Variants in EXOC6B observed in about 807,000 individuals in gnomAD.
The protein encoded by EXOC6B is SEC15 homolog B.
In EXOC6B, 54 loss-of-function variants were observed where a neutral mutation model predicts 113.5. That is an observed-to-expected ratio of 0.48 (90% confidence interval 0.38 to 0.60). The LOEUF is 0.60. EXOC6B is among the 20% of genes least tolerant of loss of function. The pLI is 0.00. For missense variants in EXOC6B, 797 were observed against 977.5 expected, an observed-to-expected ratio of 0.82 and a Z score of 2.46; for synonymous variants, 357 against 339.0, an observed-to-expected ratio of 1.05 and a Z score of -0.58.
rs1207886481 is a variant in EXOC6B at position 72,279,791 on chromosome 2, G to GT, written c.2196+55155dup. Among the ~76,000 whole-genome samples the GT allele has an allele frequency of 8.6e-5, 13 of 151,330 alleles. No homozygotes were observed. In the East Asian group the frequency reaches 1.2e-3, roughly 14 times the overall value. On this transcript the variant is annotated intron_variant, in intron 20 of 21. Transcript: ENST00000272427. Reference sequence around the variant, plus strand: ...ACCATACCCAGCTAATAATATTTGGGTTTTTTTTGTTGTTGTTGTTTTTGT... The same window carrying GT: ...ACCATACCCAGCTAATAATATTTGGGTTTTTTTTTGTTGTTGTTGTTTTTGT...
intron 20 of EXOC6B, among the ~76,000 whole-genome samples, chr2:72,257,202 A>G (rs1270095466): frequency 6.6e-6 from 1 of 152,204 alleles, no homozygotes; most frequent in Non-Finnish European, 1.5e-5. Flanking sequence ...GATTTGCCAC[A>G]TCTGAGAATA....
Position 72,767,808 on chromosome 2 carries a change from TAAAAAAAA to T in EXOC6B, c.114-26347_114-26340del, listed in dbSNP as rs34358568. On this transcript the variant is annotated intron_variant, in intron 1 of 21. Transcript: ENST00000272427. Reference sequence around the variant, plus strand: ...AGCCTGGGAGACACAGAGACCTTGTTAAAAAAAAAAAAAAAAAAAAAAAAAGACCAAGT... The same window carrying T: ...AGCCTGGGAGACACAGAGACCTTGTTAAAAAAAAAAAAAAAAAGACCAAGT... Among the ~76,000 whole-genome samples, 22 of 12,688 alleles carry T rather than the reference TAAAAAAAA, an allele frequency of 1.7e-3. 1 individual carries two copies. Among genetic ancestry groups the T allele is most frequent in the South Asian group, 9.4e-3 (2 of 212 alleles). 8.3% of individuals were successfully genotyped at this position (12,688 alleles called of 152,430 possible). A position where few individuals can be genotyped will look rare whatever the true frequency, so the allele number is the denominator to read the frequency against.
At chr2:72,189,872 T>C (rs921431989) in intron 20 of EXOC6B, among the ~76,000 whole-genome samples, 4 of 138,556 alleles carry the variant, frequency 2.9e-5, no homozygotes, top group African/African-American at 1.1e-4. Flanking sequence ...TTTTTTTTTT[T>C]TTTTTTTTGA....
chr2:72,641,142 G>A (rs1446574237), intron 6 of EXOC6B, among the ~76,000 whole-genome samples: 1 of 152,206 alleles, frequency 6.6e-6, no homozygotes, highest in Non-Finnish European at 1.5e-5. Context: ...AGCTCCGAGC[G>A]TGATCAACAG....
chr2:72,311,463 TC>T (rs1181250986), intron 20 of EXOC6B, among the ~76,000 whole-genome samples: 2 of 152,042 alleles, frequency 1.3e-5, no homozygotes, highest in East Asian at 3.9e-4. Flanking sequence ...TAGGTGGAGT[TC>T]CTCTCACACT....
rs13397406 is a variant in EXOC6B at position 72,401,605 on chromosome 2, G to A, written c.1981-21735C>T. Among the ~76,000 whole-genome samples the A allele has an allele frequency of 2.4e-3, 46 of 18,794 alleles. 3 individuals carry two copies. Among genetic ancestry groups the A allele is most frequent in the South Asian group, 0.021 (19 of 912 alleles). The allele number at this position is 18,794 out of a possible 152,430, so 12.3% of individuals were successfully genotyped here. On this transcript the variant is annotated intron_variant, in intron 18 of 21. Coordinates refer to ENST00000272427, the MANE Select transcript of EXOC6B (RefSeq NM_015189.3). ...TACATATATATATATATATATATGTGTATATATATATATATACATATATAT... is the reference window on the plus strand; with the variant it reads ...TACATATATATATATATATATATGTATATATATATATATATACATATATAT...
intron 8 of EXOC6B, among the ~76,000 whole-genome samples, chr2:72,549,344 G>C (rs918845320): frequency 6.6e-6 from 1 of 152,126 alleles, no homozygotes; most frequent in Non-Finnish European, 1.5e-5. Context: ...TAATGGTAGG[G>C]AGACCAGATA....
At chr2:72,406,189 C>A (rs889890278) in intron 18 of EXOC6B, among the ~76,000 whole-genome samples, 3 of 152,184 alleles carry the variant, frequency 2.0e-5, no homozygotes, top group East Asian at 1.9e-4. Flanking sequence ...ACAGGAGCAC[C>A]CAGATTCATA....
At chr2:72,675,996 C>T (rs534209893) in intron 6 of EXOC6B, among the ~76,000 whole-genome samples, 1 of 151,944 alleles carries the variant, frequency 6.6e-6, no homozygotes, top group South Asian at 2.1e-4. Flanking sequence ...CACACAGACA[C>T]CCCTTCACTG....
At chr2:72,668,393 A>G (rs956523638) in intron 6 of EXOC6B, among the ~76,000 whole-genome samples, 13 of 152,204 alleles carry the variant, frequency 8.5e-5, no homozygotes, top group African/African-American at 2.6e-4. Flanking sequence ...CTACCATTTG[A>G]CCAAGCAATC....
At chr2:72,197,854 C>G (rs1427748578) in intron 20 of EXOC6B, among the ~76,000 whole-genome samples, 1 of 152,146 alleles carries the variant, frequency 6.6e-6, no homozygotes, top group Non-Finnish European at 1.5e-5. Flanking sequence ...CTATGGAAAA[C>G]TAGAGTACAT....
rs867914385 is a variant in EXOC6B at position 72,576,998 on chromosome 2, T to C, written c.670-1330A>G. Among the ~76,000 whole-genome samples the C allele has an allele frequency of 3.3e-5, 5 of 152,114 alleles. No individual in the cohort carries two copies. The South Asian group carries it at 8.3e-4, about 25-fold the overall frequency. ...ATGAAATGAAGATAAATATAAAGTA[T>C]AAAAAGTTAGTCCAGGAATGGTGAA... On this transcript the variant is annotated intron_variant, in intron 6 of 21. Coordinates refer to ENST00000272427, the MANE Select transcript of EXOC6B (RefSeq NM_015189.3).
At chr2:72,659,626 C>CA (rs1558890852) in intron 6 of EXOC6B, among the ~76,000 whole-genome samples, 5 of 151,960 alleles carry the variant, frequency 3.3e-5, no homozygotes, top group African/African-American at 1.2e-4. Flanking sequence ...TTGCAGTGAC[C>CA]ACAGTGTTGG....
intron 19 of EXOC6B, among the ~76,000 whole-genome samples, chr2:72,354,697 G>T (rs1237784843): frequency 6.6e-6 from 1 of 152,190 alleles, no homozygotes; most frequent in Admixed American, 6.6e-5. Context: ...AGAGAGTATA[G>T]GGTCCATCAT....
In EXOC6B at chr2:72,485,301, T is replaced by C. The variant is rs74337964; in HGVS notation, c.1666-4551A>G. Among the ~76,000 whole-genome samples, 747 of 152,340 alleles carry C rather than the reference T, an allele frequency of 4.9e-3. 38 individuals are homozygous for C. In the East Asian group the frequency reaches 0.12, roughly 25 times the overall value. Reference sequence around the variant, plus strand: ...ATTCTGGAGTATACACATCTGCATATATTAAAACTGCTTTTAGCATGTTTC... The same window carrying C: ...ATTCTGGAGTATACACATCTGCATACATTAAAACTGCTTTTAGCATGTTTC... On this transcript the variant is annotated intron_variant, in intron 16 of 21. Transcript: ENST00000272427.
chr2:72,777,793 T>C (rs1309293769), intron 1 of EXOC6B, among the ~76,000 whole-genome samples: 2 of 152,158 alleles, frequency 1.3e-5, no homozygotes, highest in Admixed American at 6.5e-5. Flanking sequence ...ATGTAATTTA[T>C]AATGACAACA....
At chr2:72,454,817 T>C (rs1331763002) in intron 18 of EXOC6B, among the ~76,000 whole-genome samples, 2 of 152,110 alleles carry the variant, frequency 1.3e-5, no homozygotes, top group Non-Finnish European at 2.9e-5. Flanking sequence ...AAGTTCTAAG[T>C]AATAGCTCAA....
At chr2:72,179,805 C>A (rs1677972369) in intron 21 of EXOC6B, among the ~76,000 whole-genome samples, 1 of 152,128 alleles carries the variant, frequency 6.6e-6, no homozygotes, top group Non-Finnish European at 1.5e-5. Context: ...CTCTGCTGGT[C>A]AATAAGCCCT....
At chr2:72,205,928 G>GGGC in intron 20 of EXOC6B, among the ~76,000 whole-genome samples, 1 of 152,290 alleles carries the variant, frequency 6.6e-6, no homozygotes, top group South Asian at 2.1e-4. Context: ...TGGTCCCCAG[G>GGGC]GGCAACCTGT....
Sources: gnomAD v4.1 joint callset for allele counts (sites outside exome capture counted in the v4.1 genomes callset) on GRCh38, gnomAD v4.1.1 for gene constraint, MANE v1.5 for transcripts, NCBI Gene and HGNC (gene_info 2026-07-23, HGNC 2026-07-21) for gene names.